HHAT: variants seen among roughly 807,000 people sequenced by gnomAD.
The protein encoded by HHAT is hedgehog acyltransferase, also known as protein-cysteine N-palmitoyltransferase HHAT.
In HHAT, 47 loss-of-function variants were observed where a neutral mutation model predicts 70.8. That is an observed-to-expected ratio of 0.66 (90% confidence interval 0.53 to 0.85). HHAT has a LOEUF of 0.85. HHAT is among the 40% of genes least tolerant of loss of function. HHAT has a pLI of 0.00. For synonymous variants in HHAT, 228 were observed against 247.6 expected, an observed-to-expected ratio of 0.92 and a Z score of 0.74; for missense variants, 609 against 604.8, an observed-to-expected ratio of 1.01 and a Z score of -0.07.
chr1:210,648,377 T>A (rs1674489268), intron 11 of HHAT, among the ~76,000 whole-genome samples: 1 of 152,212 alleles, frequency 6.6e-6, no homozygotes, highest in Non-Finnish European at 1.5e-5. Flanking sequence ...GAACATATAG[T>A]CAGCATACGT....
At chr1:210,622,128 G>C (rs1049613546) in intron 10 of HHAT, among the ~76,000 whole-genome samples, 1 of 152,126 alleles carries the variant, frequency 6.6e-6, no homozygotes, top group Non-Finnish European at 1.5e-5. Context: ...CTGAAGACTC[G>C]CCCTCCAATT....
rs1168138849 is a variant in HHAT at position 210,464,488 on chromosome 1, G to C, written c.857-17G>C. 1.2e-6 allele frequency: 2 copies of C among 1,614,012 alleles called. No homozygotes were observed. The highest frequency in any genetic ancestry group is 1.7e-5 in the Admixed American group (1 of 60,010). On this transcript the variant is annotated splice_polypyrimidine_tract_variant and intron_variant, in intron 7 of 11. Coordinates refer to ENST00000261458, the MANE Select transcript of HHAT (RefSeq NM_018194.6). ...TGATTCTCTTCCATGTGTCTGACTG[G>C]TCTGTTTGCCTTTCAGGAGGACTGG...
At chr1:210,463,114 A>G (rs1390544848) in intron 7 of HHAT, 1 of 146,708 alleles carries the variant, frequency 6.8e-6, no homozygotes, top group Admixed American at 6.8e-5. Flanking sequence ...ACCCCACTAG[A>G]CCTCAGGCCT....
intron 8 of HHAT, among the ~76,000 whole-genome samples, chr1:210,486,006 G>A (rs946875488): frequency 1.3e-5 from 2 of 152,178 alleles, no homozygotes; most frequent in Non-Finnish European, 2.9e-5. Flanking sequence ...CTGTAAGATC[G>A]TCTTCAACTT....
At chr1:210,491,978 G>C (rs921315856) in intron 8 of HHAT, among the ~76,000 whole-genome samples, 2 of 152,068 alleles carry the variant, frequency 1.3e-5, no homozygotes, top group African/African-American at 4.8e-5. Flanking sequence ...GGCCAGACTG[G>C]TCTTGAACTC....
intron 11 of HHAT, among the ~76,000 whole-genome samples, chr1:210,647,129 C>T (rs560290316): frequency 6.6e-4 from 101 of 152,294 alleles, no homozygotes; most frequent in African/African-American, 1.2e-3. Flanking sequence ...ATTCTCTCTT[C>T]GAGACTTGGT....
intron 8 of HHAT, among the ~76,000 whole-genome samples, chr1:210,481,837 T>A (rs757482316): frequency 1.9e-4 from 29 of 152,216 alleles, no homozygotes; most frequent in Non-Finnish European, 2.4e-4. Flanking sequence ...GAGAAGGTGA[T>A]ATCTGATGAA....
At chr1:210,622,178 C>T (rs902126620) in intron 10 of HHAT, among the ~76,000 whole-genome samples, 1 of 152,192 alleles carries the variant, frequency 6.6e-6, no homozygotes, top group African/African-American at 2.4e-5. Flanking sequence ...CGGCTGCTGT[C>T]ATTGAGTCAT....
chr1:210,330,466 G>A (rs1036469733), intron 1 of HHAT, among the ~76,000 whole-genome samples: 1 of 152,158 alleles, frequency 6.6e-6, no homozygotes, highest in Non-Finnish European at 1.5e-5. Flanking sequence ...GCCGGGTTTT[G>A]GACTCCTCTT....
rs138691797 is a variant in HHAT, at chr1:210,372,600, T to C, written c.159+9681T>C. On this transcript the variant is annotated intron_variant, in intron 3 of 11. Coordinates refer to ENST00000261458, the MANE Select transcript of HHAT (RefSeq NM_018194.6). ...TTGTGAAGCCTCTATTGTCTGTCTTTAGGTACTCCAACAAGCATCTTGCAC... is the reference window on the plus strand; with the variant it reads ...TTGTGAAGCCTCTATTGTCTGTCTTCAGGTACTCCAACAAGCATCTTGCAC... 1.7e-3 allele frequency among the ~76,000 whole-genome samples: 256 copies of C among 152,322 alleles called. 2 individuals carry two copies. The highest frequency in any genetic ancestry group is 5.8e-3 in the African/African-American group (243 of 41,570).
chr1:210,642,222 T>C (rs947740499), intron 11 of HHAT, among the ~76,000 whole-genome samples: 2 of 152,264 alleles, frequency 1.3e-5, no homozygotes, highest in African/African-American at 4.8e-5. Context: ...ATCATTGTTA[T>C]GTATAGCAAT....
chr1:210,518,316 A>G (rs1347292893), intron 9 of HHAT, among the ~76,000 whole-genome samples: 2 of 152,034 alleles, frequency 1.3e-5, no homozygotes, highest in East Asian at 1.9e-4. Flanking sequence ...AAGCTTCCAC[A>G]TATCAGTGAG....
At chr1:210,666,995 G>C (rs917617782) in intron 11 of HHAT, among the ~76,000 whole-genome samples, 1 of 151,784 alleles carries the variant, frequency 6.6e-6, no homozygotes, top group African/African-American at 2.4e-5. Flanking sequence ...CAGGAGAACG[G>C]CGTGAACCCG....
chr1:210,336,319 G>A (rs1033590613), intron 1 of HHAT, among the ~76,000 whole-genome samples: 1 of 79,534 alleles, frequency 1.3e-5, no homozygotes, highest in Non-Finnish European at 2.9e-5. Context: ...TTAGAGACAG[G>A]GTCTTACCAT....
In HHAT at chr1:210,329,081, G is replaced by C; in HGVS notation, c.-67G>C. On this transcript the variant is annotated 5_prime_UTR_variant, in exon 1 of 12. Coordinates refer to ENST00000261458, the MANE Select transcript of HHAT (RefSeq NM_018194.6). ...CGCGGCGCGCGTGAACGTTGCCGTC[G>C]CCGCCGCCCGGGACAGCCCGGAGGT... is the stretch of plus-strand genomic sequence containing the variant. 7.0e-7 allele frequency: 1 copy of C among 1,420,738 alleles called. No individual in the cohort carries two copies. The highest frequency in any genetic ancestry group is 9.2e-7 in the Non-Finnish European group (1 of 1,086,220). The allele number at this position is 1,420,738 out of a possible 1,614,324, so 88.0% of individuals were successfully genotyped here.
intron 11 of HHAT, among the ~76,000 whole-genome samples, chr1:210,637,820 T>C (rs958341715): frequency 7.0e-6 from 1 of 142,488 alleles, no homozygotes; most frequent in Non-Finnish European, 1.5e-5. Flanking sequence ...AGATTGTGCC[T>C]CTGCACTCCA....
chr1:210,408,635 A>G (rs948020973), intron 6 of HHAT, among the ~76,000 whole-genome samples: 1 of 152,198 alleles, frequency 6.6e-6, no homozygotes, highest in Admixed American at 6.5e-5. Flanking sequence ...AGAAGAGGCC[A>G]GTGTGCTGGT....
chr1:210,662,243 A>G (rs1272061578), intron 11 of HHAT, among the ~76,000 whole-genome samples: 2 of 152,164 alleles, frequency 1.3e-5, no homozygotes, highest in African/African-American at 2.4e-5. Flanking sequence ...GCACCTTCAC[A>G]TAAGGCCTCA....
intron 9 of HHAT, among the ~76,000 whole-genome samples, chr1:210,524,698 T>G (rs1289036455): frequency 1.3e-5 from 2 of 152,138 alleles, no homozygotes. Flanking sequence ...CAGACTTAGG[T>G]GGGAATCTAG....
Sources: allele counts gnomAD v4.1 joint callset (sites outside exome capture counted in the v4.1 genomes callset), GRCh38; gene constraint gnomAD v4.1.1; transcripts MANE v1.5; gene names NCBI Gene and HGNC (gene_info 2026-07-23, HGNC 2026-07-21).